The following RAB5A variants were observed in gnomAD, a reference collection of about 807,000 sequenced individuals.
RAB5A encodes the protein ras-related protein Rab-5A.
In RAB5A, 8 loss-of-function variants were observed where a neutral mutation model predicts 25.7. The observed-to-expected ratio is 0.31, with a 90% CI of 0.18 to 0.56. The LOEUF is 0.56. Ranked by LOEUF, RAB5A falls within the 20% of genes least tolerant of loss-of-function variation. RAB5A has a pLI of 0.91. For missense variants in RAB5A, 192 were observed against 259.7 expected (o/e 0.74, Z 1.79); for synonymous variants, 98 against 89.8 (o/e 1.09, Z -0.52).
At chr3:19,952,455 C>T (rs970954899) in intron 2 of RAB5A, among the ~76,000 whole-genome samples, 2 of 152,202 alleles carry the variant, frequency 1.3e-5, no homozygotes, top group Non-Finnish European at 2.9e-5. Context: ...TGGCATGTGG[C>T]AACTTCTTGG....
intron 2 of RAB5A, among the ~76,000 whole-genome samples, chr3:19,964,448 G>A (rs529889379): frequency 2.6e-5 from 4 of 151,972 alleles, no homozygotes; most frequent in South Asian, 2.1e-4. Context: ...GTTTTGGTAC[G>A]TTCCTGTTAC....
At chr3:19,970,646 C>T (rs1696736801) in intron 2 of RAB5A, 3 of 456,172 alleles carry the variant, frequency 6.6e-6, no homozygotes, top group South Asian at 1.5e-5. Context: ...GAAAATGAAG[C>T]GGTCTAAGAG....
chr3:19,964,630 A>G (rs1472408095), intron 2 of RAB5A, among the ~76,000 whole-genome samples: 3 of 152,100 alleles, frequency 2.0e-5, no homozygotes, highest in Non-Finnish European at 4.4e-5. Flanking sequence ...ATTTAATTTT[A>G]TTTATTTGTT....
At chr3:19,958,668 A>C (rs1696540193) in intron 2 of RAB5A, among the ~76,000 whole-genome samples, 1 of 152,194 alleles carries the variant, frequency 6.6e-6, no homozygotes, top group South Asian at 2.1e-4. Context: ...ACATGGCAAA[A>C]CACTGTCTCT....
chr3:19,981,517 G>A (rs1442033009), intron 5 of RAB5A, among the ~76,000 whole-genome samples: 2 of 152,094 alleles, frequency 1.3e-5, no homozygotes, highest in Admixed American at 6.5e-5. Context: ...GGGAGGCTGA[G>A]GCAGGGGAAT....
intron 2 of RAB5A, among the ~76,000 whole-genome samples, chr3:19,955,073 C>G (rs1402496626): frequency 6.6e-6 from 1 of 152,108 alleles, no homozygotes; most frequent in African/African-American, 2.4e-5. Flanking sequence ...GGCTTGGTAG[C>G]TCTTCAGTAA....
chr3:19,965,608 T>C (rs1696650186), intron 2 of RAB5A, among the ~76,000 whole-genome samples: 1 of 152,204 alleles, frequency 6.6e-6, no homozygotes, highest in African/African-American at 2.4e-5. Context: ...ATGCTAATTT[T>C]TATTCTTTAC....
At chr3:19,965,229 T>G (rs934373873) in intron 2 of RAB5A, among the ~76,000 whole-genome samples, 1 of 152,098 alleles carries the variant, frequency 6.6e-6, no homozygotes, top group Non-Finnish European at 1.5e-5. Flanking sequence ...GCCCTAAGAT[T>G]AATTTTCAAA....
chr3:19,973,557 A>G (rs1696781613), intron 2 of RAB5A, among the ~76,000 whole-genome samples: 1 of 152,196 alleles, frequency 6.6e-6, no homozygotes, highest in Non-Finnish European at 1.5e-5. Context: ...CGTGACCTTC[A>G]AAAAGTGACA....
chr3:19,956,042 T>C (rs1049375175), intron 2 of RAB5A, among the ~76,000 whole-genome samples: 2 of 152,214 alleles, frequency 1.3e-5, no homozygotes, highest in African/African-American at 4.8e-5. Context: ...GTATGATCCC[T>C]CTGTCCAATC....
intron 2 of RAB5A, among the ~76,000 whole-genome samples, chr3:19,971,151 C>T (rs56302590): frequency 4.1e-5 from 6 of 145,704 alleles, no homozygotes; most frequent in African/African-American, 7.7e-5. Context: ...GAGCCGAGAT[C>T]GCGCCATTGC....
chr3:19,974,161 A>C (rs1575075443), intron 2 of RAB5A, among the ~76,000 whole-genome samples: 1 of 148,524 alleles, frequency 6.7e-6, no homozygotes, highest in Admixed American at 6.7e-5. Flanking sequence ...TTATAATGCT[A>C]CTTTTTTTTT....
intron 2 of RAB5A, among the ~76,000 whole-genome samples, chr3:19,973,267 T>C (rs1252793565): frequency 2.0e-5 from 3 of 152,212 alleles, no homozygotes; most frequent in Non-Finnish European, 4.4e-5. Context: ...ACTATAGTTA[T>C]TTCCCTGAGC....
At chr3:19,954,773 G>A (rs1347949914) in intron 2 of RAB5A, among the ~76,000 whole-genome samples, 1 of 152,096 alleles carries the variant, frequency 6.6e-6, no homozygotes, top group African/African-American at 2.4e-5. Flanking sequence ...AGCCGAGACT[G>A]CACCACCACA....
At chr3:19,953,170 T>C (rs1575066903) in intron 2 of RAB5A, among the ~76,000 whole-genome samples, 2 of 152,324 alleles carry the variant, frequency 1.3e-5, no homozygotes, top group East Asian at 3.9e-4. Flanking sequence ...GATAATGCAC[T>C]TCTAAGTTTA....
chr3:19,948,041 G>T (rs1276023292), intron 1 of RAB5A, among the ~76,000 whole-genome samples: 4 of 152,182 alleles, frequency 2.6e-5, no homozygotes, highest in Admixed American at 6.5e-5. Flanking sequence ...AGTAGTGTCG[G>T]TGGGTGGGAG....
intron 2 of RAB5A, among the ~76,000 whole-genome samples, chr3:19,963,080 A>G (rs1696611415): frequency 6.6e-6 from 1 of 152,102 alleles, no homozygotes; most frequent in South Asian, 2.1e-4. Context: ...AAGTGTTGGG[A>G]TTAAAGGCAT....
chr3:19,958,362 A>G (rs1261648783), intron 2 of RAB5A, among the ~76,000 whole-genome samples: 2 of 152,196 alleles, frequency 1.3e-5, no homozygotes, highest in Non-Finnish European at 2.9e-5. Flanking sequence ...ATCACAACCT[A>G]AAAAAATCTT....
At chr3:19,955,764 G>T (rs531940083) in intron 2 of RAB5A, among the ~76,000 whole-genome samples, 1 of 151,928 alleles carries the variant, frequency 6.6e-6, no homozygotes, top group South Asian at 2.1e-4. Flanking sequence ...GGTGGCGTGC[G>T]CCTGTAGTCC....
Sources: allele counts gnomAD v4.1 joint callset (sites outside exome capture counted in the v4.1 genomes callset), GRCh38; gene constraint gnomAD v4.1.1; transcripts MANE v1.5; gene names NCBI Gene and HGNC (gene_info 2026-07-23, HGNC 2026-07-21).